CSE1L: variants seen among roughly 807,000 people sequenced by gnomAD.
CSE1L encodes the protein chromosome segregation 1 like, also known as exportin-2.
In CSE1L, 24 loss-of-function variants were observed where a neutral mutation model predicts 120.4. The observed-to-expected ratio is 0.20, with a 90% CI of 0.14 to 0.28. The LOEUF is 0.28. Among genes scored for constraint, CSE1L ranks in the 10% least tolerant of loss-of-function variants. The pLI is 1.00. For synonymous variants in CSE1L, 402 were observed against 398.3 expected (o/e 1.01, Z -0.11); for missense variants, 830 against 1,145.2 (o/e 0.72, Z 3.97).
At chr20:49,067,093 CTA>C (rs1419489342) in intron 5 of CSE1L, 95 bp from the exon 6 acceptor site, 3 of 421,686 alleles carry the variant, frequency 7.1e-6, no homozygotes, top group Non-Finnish European at 1.3e-5. Flanking sequence ...GGAAACCCAT[CTA>C]TTCATAGATG....
intron 1 of CSE1L, among the ~76,000 whole-genome samples, chr20:49,055,663 G>A (rs2091800795): frequency 1.3e-5 from 2 of 152,266 alleles, no homozygotes; most frequent in South Asian, 4.2e-4. Flanking sequence ...AGGCTGTGGT[G>A]AGCTATGATC....
rs1211876711 is a variant in CSE1L, at chr20:49,091,113, C to T, written c.2365+91C>T. On this transcript the variant is annotated intron_variant, in intron 21 of 24. Transcript: ENST00000262982. Reference sequence around the variant, plus strand: ...TATGGTTGCAGATACATTTTTTATCCGTTTTAAACTTTATGCAAAAAATAC... The same window carrying T: ...TATGGTTGCAGATACATTTTTTATCTGTTTTAAACTTTATGCAAAAAATAC... 17 of 936,342 alleles carry T rather than the reference C, an allele frequency of 1.8e-5. No individual in the cohort carries two copies. The South Asian group carries it at 2.2e-4, about 12-fold the overall frequency. The allele number at this position is 936,342 out of a possible 1,614,324, so 58.0% of individuals were successfully genotyped here. A position where few individuals can be genotyped will look rare whatever the true frequency, so the allele number is the denominator to read the frequency against.
At chr20:49,093,879 T>A (rs895582292) in intron 22 of CSE1L, among the ~76,000 whole-genome samples, 8 of 151,442 alleles carry the variant, frequency 5.3e-5, no homozygotes, top group African/African-American at 1.9e-4. Context: ...ATCACACCGT[T>A]CCACTCCAGC....
rs1487272177 is a variant in CSE1L at position 49,088,034 on chromosome 20, A to G, written c.1749A>G (p.Leu583=). 1 of 1,610,364 alleles carries G rather than the reference A, an allele frequency of 6.2e-7. No homozygotes were observed. Among genetic ancestry groups the G allele is most frequent in the East Asian group, 2.2e-5 (1 of 44,824 alleles). ...CTATCATGAGAAGTTTTTCTCTCCT[A>G]CAAGAAGCCATAATCCCCTACATCC... ...MKAIMRSFSL[L]QEAIIPYIPT... Residue 583 remains leucine (L), a synonymous_variant, in exon 17 of 25, where the codon CTA becomes CTG. Transcript: ENST00000262982.
chr20:49,066,525 A>AT lies in CSE1L; in HGVS notation c.476+17dup, dbSNP rs1316566826. On this transcript the variant is annotated intron_variant, in intron 5 of 24. Coordinates refer to ENST00000262982, the MANE Select transcript of CSE1L (RefSeq NM_001316.4). ...TTATTTAAAAGGTATTGATGCATAG[A>AT]TTCATGTTTTTAAAATACTTTCTAA... 1.5e-5 allele frequency: 23 copies of AT among 1,580,690 alleles called. No individual in the cohort carries two copies. Among genetic ancestry groups the AT allele is most frequent in the Middle Eastern group, 3.4e-4 (2 of 5,910 alleles).
chr20:49,085,448 C>T (rs1241883240), intron 16 of CSE1L, 62 bp downstream of exon 16: 3 of 1,175,798 alleles, frequency 2.6e-6, no homozygotes, highest in Non-Finnish European at 3.8e-6. Context: ...AGGGTGAGCA[C>T]TCTGAGTTAT....
At chr20:49,073,869 T>C (rs1462373961) in intron 10 of CSE1L, among the ~76,000 whole-genome samples, 4 of 152,124 alleles carry the variant, frequency 2.6e-5, no homozygotes, top group African/African-American at 9.7e-5. Flanking sequence ...TTAAGGACAA[T>C]ATAGCGTGAG....
intron 1 of CSE1L, among the ~76,000 whole-genome samples, chr20:49,046,717 C>T (rs1168002159): frequency 1.3e-5 from 2 of 152,264 alleles, no homozygotes; most frequent in African/African-American, 2.4e-5. Context: ...TGCGGATTGC[C>T]CGCCCTTTCC....
chr20:49,077,166 T>TC lies in CSE1L; in HGVS notation c.1420+102_1420+103insC, dbSNP rs1390470684. On this transcript the variant is annotated intron_variant, in intron 13 of 24. Transcript: ENST00000262982. ...TTCCCTTTTGTTCTTTTTTTTTTTT[T>TC]TTTTTTCTTTTGAGATGGTGTCTTA... 6.9e-6 allele frequency: 5 copies of TC among 727,256 alleles called. No individual in the cohort carries two copies. The Admixed American group carries it at 9.9e-5, about 14-fold the overall frequency. 45.1% of individuals were successfully genotyped at this position (727,256 alleles called of 1,614,324 possible).
chr20:49,062,291 A>G (rs1013195731), intron 2 of CSE1L, among the ~76,000 whole-genome samples: 1 of 152,238 alleles, frequency 6.6e-6, no homozygotes, highest in African/African-American at 2.4e-5. Flanking sequence ...TGAAAATATC[A>G]GTGAAACTCT....
At chr20:49,061,167 A>ATTTT (rs3092068) in intron 2 of CSE1L, among the ~76,000 whole-genome samples, 22 of 116,302 alleles carry the variant, frequency 1.9e-4, no homozygotes, top group South Asian at 2.9e-4. Flanking sequence ...ACTATTAAAA[A>ATTTT]TTTTTTTTTT....
At position 49,079,355 on chromosome 20, in the gene CSE1L, T is replaced by C. The variant is rs532220610; in HGVS notation, c.1482+733T>C. 2.6e-5 allele frequency among the ~76,000 whole-genome samples: 4 copies of C among 152,192 alleles called. No individual in the cohort carries two copies. The East Asian group carries it at 7.7e-4, about 29-fold the overall frequency. ...GATTCTCCTGCCTCGGCCTCCCTAG[T>C]AGCTGGGATTACAGGCATCTGCCAC... On this transcript the variant is annotated intron_variant, in intron 14 of 24. Transcript: ENST00000262982.
At chr20:49,081,054 G>A (rs779408066) in intron 14 of CSE1L, among the ~76,000 whole-genome samples, 3 of 150,976 alleles carry the variant, frequency 2.0e-5, no homozygotes, top group Non-Finnish European at 4.4e-5. Context: ...TGTGATCTCG[G>A]CTCACTGCAG....
chr20:49,054,254 G>C (rs1382362084), intron 1 of CSE1L, among the ~76,000 whole-genome samples: 3 of 152,228 alleles, frequency 2.0e-5, no homozygotes, highest in African/African-American at 7.2e-5. Context: ...GGGAAGGACT[G>C]CAGCATGTAG....
At position 49,058,554 on chromosome 20, in the gene CSE1L, G is replaced by A; in HGVS notation, c.85+6G>A. ...TCCTGCCATCCGACGTCCAGGTAAA[G>A]AAAATAAACGTTTTTTGGTTGATTA... On this transcript the variant is annotated splice_donor_region_variant and intron_variant, in intron 2 of 24. Coordinates refer to ENST00000262982, the MANE Select transcript of CSE1L (RefSeq NM_001316.4). 6.2e-7 allele frequency: 1 copy of A among 1,610,674 alleles called. No individual in the cohort carries two copies. The highest frequency in any genetic ancestry group is 2.2e-5 in the East Asian group (1 of 44,864).
Position 49,078,725 on chromosome 20 carries a change from C to G in CSE1L, c.1482+103C>G, listed in dbSNP as rs528130849. 1.3e-5 allele frequency: 9 copies of G among 672,524 alleles called. No individual in the cohort carries two copies. In the East Asian group the frequency reaches 1.6e-4, roughly 12 times the overall value. 41.7% of individuals were successfully genotyped at this position (672,524 alleles called of 1,614,324 possible). A position where few individuals can be genotyped will look rare whatever the true frequency, so the allele number is the denominator to read the frequency against. ...GCAGTCATTTTATATCCACATCTAACAAAATTAACAATGATTTCTTTATAA... is the reference window on the plus strand; with the variant it reads ...GCAGTCATTTTATATCCACATCTAAGAAAATTAACAATGATTTCTTTATAA... On this transcript the variant is annotated intron_variant, in intron 14 of 24. Transcript: ENST00000262982.
intron 11 of CSE1L, 57 bp from the exon 12 acceptor site, chr20:49,075,261 T>G: frequency 7.4e-7 from 1 of 1,343,518 alleles, no homozygotes; most frequent in South Asian, 1.3e-5. Flanking sequence ...ATAAATTGGA[T>G]CAGCTTGTTG....
intron 1 of CSE1L, among the ~76,000 whole-genome samples, chr20:49,052,392 G>A (rs1164862183): frequency 6.6e-6 from 1 of 152,184 alleles, no homozygotes; most frequent in African/African-American, 2.4e-5. Flanking sequence ...GATGTAGATG[G>A]TAATCGTAGA....
chr20:49,079,102 A>C (rs2091990763), intron 14 of CSE1L, among the ~76,000 whole-genome samples: 1 of 152,170 alleles, frequency 6.6e-6, no homozygotes, highest in African/African-American at 2.4e-5. Context: ...CATGTTGACC[A>C]GGCTGGTCTC....
Sources: gnomAD v4.1 joint callset for allele counts (sites outside exome capture counted in the v4.1 genomes callset) on GRCh38, gnomAD v4.1.1 for gene constraint, MANE v1.5 for transcripts, NCBI Gene and HGNC (gene_info 2026-07-23, HGNC 2026-07-21) for gene names.